Variants in EPHB3 observed in about 807,000 individuals in gnomAD.
The protein encoded by EPHB3 is EPH receptor B3, also known as ephrin type-B receptor 3.
Under a neutral mutation model 100.2 loss-of-function variants are expected in EPHB3, and 33 were observed. The observed-to-expected ratio is 0.33, with a 90% confidence interval of 0.25 to 0.44. The LOEUF is 0.44. EPHB3 is among the 20% of genes least tolerant of loss of function. The probability of loss-of-function intolerance (pLI) is 1.00; values close to 1 mark genes in which losing one functional copy is unlikely to be tolerated. For synonymous variants in EPHB3, 526 were observed against 554.7 expected (o/e 0.95, Z 0.73); for missense variants, 1,045 against 1,378.3 (o/e 0.76, Z 3.83).
Position 184,570,079 on chromosome 3 carries a change from A to G in EPHB3, c.119-1239A>G, listed in dbSNP as rs536152332. Among the ~76,000 whole-genome samples the G allele has an allele frequency of 2.0e-5, 3 of 152,328 alleles. No homozygotes were observed. The East Asian group carries it at 5.8e-4, about 29-fold the overall frequency. ...TCAGAAACATTAACGGGCCCCTCCTATGACCAAACAAGGTGAAACAGACAA... is the reference window on the plus strand; with the variant it reads ...TCAGAAACATTAACGGGCCCCTCCTGTGACCAAACAAGGTGAAACAGACAA... On this transcript the variant is annotated intron_variant, in intron 1 of 15. Coordinates refer to ENST00000330394, the MANE Select transcript of EPHB3 (RefSeq NM_004443.4).
At position 184,571,345 on chromosome 3, in the gene EPHB3, C is replaced by T; in HGVS notation, c.146C>T (p.Thr49Ile). The change falls in exon 2 of 16, where the codon ACA (threonine) becomes ATA (isoleucine). Residue 49 changes from threonine (T) to isoleucine (I), a missense_variant. By Grantham distance (89) the Thr-to-Ile change is moderately conservative (BLOSUM62 -1). Around this residue, in one of 2 missense-constraint regions of EPHB3, gnomAD observed 985 missense variants for 1,331.1 expected, o/e 0.74. Coordinates refer to ENST00000330394, the MANE Select transcript of EPHB3 (RefSeq NM_004443.4). This position sits in a 1 kb window ranked among gnomAD's most constrained non-coding sequence, Gnocchi z 5.0. ...EETLMDTKWV[T>I]SELAWTSHPE... The stretch of plus-strand genomic sequence containing the variant: ...ACCCTCATGGACACAAAATGGGTAA[C>T]ATCTGAGTTGGCGTGGACATCTCAT... 1 of 1,614,094 alleles carries T rather than the reference C, an allele frequency of 6.2e-7. No homozygotes were observed. The highest frequency in any genetic ancestry group is 1.1e-5 in the South Asian group (1 of 91,076).
Position 184,571,464 on chromosome 3 carries a change from A to C in EPHB3, c.183+82A>C. 2.3e-5 allele frequency: 34 copies of C among 1,481,148 alleles called. No individual in the cohort carries two copies. The highest frequency in any genetic ancestry group is 3.1e-5 in the Non-Finnish European group (33 of 1,067,376). The allele number at this position is 1,481,148 out of a possible 1,614,324, so 91.8% of individuals were successfully genotyped here. On this transcript the variant is annotated intron_variant, in intron 2 of 15. Coordinates refer to ENST00000330394, the MANE Select transcript of EPHB3 (RefSeq NM_004443.4). The surrounding 1 kb of genome is among the most constrained non-coding windows in gnomAD (Gnocchi z 5.0). Reference sequence around the variant, plus strand: ...TCCAGCCTCCGTGCCCCCTCATCTCACCAGGGCCTGGAGGAGGGCTGCCTC... The same window carrying C: ...TCCAGCCTCCGTGCCCCCTCATCTCCCCAGGGCCTGGAGGAGGGCTGCCTC...
Position 184,568,592 on chromosome 3 carries a change from ACC to A in EPHB3, c.119-2717_119-2716del, listed in dbSNP as rs113185340. ...ATACCACGGACAGATGGGTTCTATG[ACC>A]CCCCCCCCACATCCCCCTCACCTCC... On this transcript the variant is annotated intron_variant, in intron 1 of 15. Coordinates refer to ENST00000330394, the MANE Select transcript of EPHB3 (RefSeq NM_004443.4). Among the ~76,000 whole-genome samples the A allele has an allele frequency of 3.8e-5, 5 of 131,098 alleles. No homozygotes were observed. The East Asian group carries it at 9.1e-4, about 24-fold the overall frequency. The allele number at this position is 131,098 out of a possible 152,430, so 86.0% of individuals were successfully genotyped here.
rs1474481303 is a variant in EPHB3, at chr3:184,582,267, TGTGTGTGTGTGCGC to T, written c.*647_*660del. On this transcript the variant is annotated 3_prime_UTR_variant, in exon 16 of 16. Coordinates refer to ENST00000330394, the MANE Select transcript of EPHB3 (RefSeq NM_004443.4). ...TGGGATGTGTGAGTGTGTGTGTGTG[TGTGTGTGTGTGCGC>T]GCGCGCGCGCGTGTGTGTGTGCACG... is the stretch of plus-strand genomic sequence containing the variant. 2.1e-4 allele frequency: 27 copies of T among 130,758 alleles called. No individual in the cohort carries two copies. Among genetic ancestry groups the T allele is most frequent in the African/African-American group, 5.1e-4 (15 of 29,336 alleles). The allele number at this position is 130,758 out of a possible 1,614,324, so 8.1% of individuals were successfully genotyped here.
At chr3:184,570,490 A>G (rs1714511185) in intron 1 of EPHB3, among the ~76,000 whole-genome samples, 1 of 152,202 alleles carries the variant, frequency 6.6e-6, no homozygotes, top group Non-Finnish European at 1.5e-5. Flanking sequence ...TTGAACTAAG[A>G]GCTGGTTTGG....
Position 184,581,645 on chromosome 3 carries a change from G to T in EPHB3, c.*23G>T. On this transcript the variant is annotated 3_prime_UTR_variant, in exon 16 of 16. Transcript: ENST00000330394. The stretch of plus-strand genomic sequence containing the variant: ...TGACACCGGCTCCCACGGGGACCCT[G>T]AGGACCGTGCAGGGATGCCAAGCAG... The T allele has an allele frequency of 3.2e-6, 5 of 1,584,298 alleles. No individual in the cohort carries two copies. Among genetic ancestry groups the T allele is most frequent in the African/African-American group, 2.7e-5 (2 of 74,096 alleles).
chr3:184,577,446 C>T lies in EPHB3; in HGVS notation c.1458C>T (p.Tyr486=), dbSNP rs762625784. 17 of 1,614,026 alleles carry T rather than the reference C, an allele frequency of 1.1e-5. No homozygotes were observed. Among genetic ancestry groups the T allele is most frequent in the South Asian group, 7.7e-5 (7 of 91,082 alleles). Reference sequence around the variant, plus strand: ...GGCCCAACGGAGTCATCCTGGACTACGAGATGAAGTACTTTGAGAAGGTCA... The same window carrying T: ...GGCCCAACGGAGTCATCCTGGACTATGAGATGAAGTACTTTGAGAAGGTCA... ...PERPNGVILD[Y]EMKYFEKSEG... is the part of the protein sequence containing the mutation. Residue 486 remains tyrosine, a synonymous_variant, in exon 6 of 16, where the codon TAC becomes TAT. Transcript: ENST00000330394. The surrounding 1 kb of genome is among the most constrained non-coding windows in gnomAD (Gnocchi z 4.9).
At position 184,577,362 on chromosome 3, in the gene EPHB3, A is replaced by G. The variant is rs759542823; in HGVS notation, c.1374A>G (p.Thr458=). The G allele has an allele frequency of 6.2e-7, 1 of 1,613,706 alleles. No individual in the cohort carries two copies. The highest frequency in any genetic ancestry group is 8.5e-7 in the Non-Finnish European group (1 of 1,179,994). ...TCCCAGCCCCGTCTGAAGTGCCCAC[A>G]CTACGCCTGCACAGCAGCTCAGGCA... ...TNQAAPSEVP[T]LRLHSSSGSS... is the part of the protein sequence containing the mutation. The change falls in exon 6 of 16, where the codon ACA becomes ACG. Residue 458 remains threonine, a synonymous_variant. Transcript: ENST00000330394. This position sits in a 1 kb window ranked among gnomAD's most constrained non-coding sequence, Gnocchi z 4.9.
rs1714582880 is a variant in EPHB3 at position 184,573,122 on chromosome 3, G to T, written c.802G>T (p.Ala268Ser). Reference sequence around the variant, plus strand: ...TGGGGAGTGGATGGTGCCTGTGGGTGCCTGCACCTGTGCCACCGGCCATGA... The same window carrying T: ...TGGGGAGTGGATGGTGCCTGTGGGTTCCTGCACCTGTGCCACCGGCCATGA... ...GDGEWMVPVG[A>S]CTCATGHEPA... Residue 268 changes from alanine (A) to serine (S), a missense_variant, in exon 3 of 16, where the codon GCC becomes TCC. Coordinates refer to ENST00000330394, the MANE Select transcript of EPHB3 (RefSeq NM_004443.4). The surrounding 1 kb of genome is among the most constrained non-coding windows in gnomAD (Gnocchi z 4.5). 6.2e-7 allele frequency: 1 copy of T among 1,612,670 alleles called. No homozygotes were observed. The highest frequency in any genetic ancestry group is 1.1e-5 in the South Asian group (1 of 91,090).
Position 184,579,887 on chromosome 3 carries a change from A to G in EPHB3, c.2125A>G (p.Ile709Val), listed in dbSNP as rs766565475. Reference sequence around the variant, plus strand: ...GGTCACCAAAAGTCGGCCAGTTATGATCCTCACTGAGTTCATGGAAAACTG... The same window carrying G: ...GGTCACCAAAAGTCGGCCAGTTATGGTCCTCACTGAGTTCATGGAAAACTG... The part of the protein sequence containing the change: ...GVVTKSRPVM[I>V]LTEFMENCAL... Residue 709 changes from isoleucine to valine, a missense_variant, in exon 11 of 16, where the codon ATC becomes GTC. By Grantham distance (29) the Ile-to-Val change is conservative (BLOSUM62 3). Coordinates refer to ENST00000330394, the MANE Select transcript of EPHB3 (RefSeq NM_004443.4). This position sits in a 1 kb window ranked among gnomAD's most constrained non-coding sequence, Gnocchi z 5.2. The G allele has an allele frequency of 1.2e-6, 2 of 1,613,780 alleles. No homozygotes were observed. The highest frequency in any genetic ancestry group is 3.3e-5 in the Admixed American group (2 of 59,982).
intron 3 of EPHB3, chr3:184,575,072 G>A (rs1239997811): frequency 5.5e-6 from 5 of 908,224 alleles, no homozygotes; most frequent in African/African-American, 1.8e-5. Flanking sequence ...ACTTGCAAAT[G>A]TTCCAGTGTG....
At chr3:184,568,592 A>ACCCCCCCCCCCCCCCCC (rs113185340) in intron 1 of EPHB3, among the ~76,000 whole-genome samples, 4 of 131,100 alleles carry the variant, frequency 3.1e-5, no homozygotes, top group African/African-American at 5.8e-5. Flanking sequence ...GGGTTCTATG[A>ACCCCCCCCCCCCCCCCC]CCCCCCCCCC....
rs1470352404 is a variant in EPHB3, at chr3:184,569,202, CGGACCGGCGGGA to C, written c.119-2111_119-2100del. ...CTGCTCCGGCGGGCGGACCGGCGGG[CGGACCGGCGGGA>C]GGACTGGCTGCGGGGGCAGGGCGCG... On this transcript the variant is annotated intron_variant, in intron 1 of 15. Transcript: ENST00000330394. This position sits in a 1 kb window ranked among gnomAD's most constrained non-coding sequence, Gnocchi z 5.4. Among the ~76,000 whole-genome samples the C allele has an allele frequency of 6.6e-6, 1 of 151,104 alleles. No homozygotes were observed. Among genetic ancestry groups the C allele is most frequent in the Non-Finnish European group, 1.5e-5 (1 of 67,846 alleles).
rs775157731 is a variant in EPHB3, at chr3:184,577,063, A to T, written c.1234A>T (p.Ile412Phe). Residue 412 changes from isoleucine to phenylalanine, a missense_variant, in exon 5 of 16, where the codon ATC (isoleucine) becomes TTC (phenylalanine). Physicochemically the swap from Ile to Phe is conservative, Grantham distance 21 (BLOSUM62 0). Coordinates refer to ENST00000330394, the MANE Select transcript of EPHB3 (RefSeq NM_004443.4). The surrounding 1 kb of genome is among the most constrained non-coding windows in gnomAD (Gnocchi z 4.9). ...QLGLTERRVH[I>F]SHLLAHTRYT... ...GGGCCTGACGGAGCGCCGGGTCCACATCAGCCATCTGCTGGCCCACACGCG... is the reference window on the plus strand; with the variant it reads ...GGGCCTGACGGAGCGCCGGGTCCACTTCAGCCATCTGCTGGCCCACACGCG... 1 of 1,613,768 alleles carries T rather than the reference A, an allele frequency of 6.2e-7. No homozygotes were observed. The highest frequency in any genetic ancestry group is 2.2e-5 in the East Asian group (1 of 44,878).
chr3:184,573,047 C>G lies in EPHB3; in HGVS notation c.727C>G (p.Pro243Ala). 1 of 1,613,256 alleles carries G rather than the reference C, an allele frequency of 6.2e-7. No individual in the cohort carries two copies. The highest frequency in any genetic ancestry group is 8.5e-7 in the Non-Finnish European group (1 of 1,180,014). ...GGTCATTGCTCCTGGCACCTGCATC[C>G]CTAACGCCGTGGAGGTGTCGGTGCC... ...SLVIAPGTCI[P>A]NAVEVSVPLK... Residue 243 changes from proline to alanine, a missense_variant, in exon 3 of 16, where the codon CCT (proline) becomes GCT (alanine). Physicochemically the swap from Pro to Ala is conservative, Grantham distance 27. This residue lies in a region of EPHB3 where 985 missense variants were observed against 1,331.1 expected (regional missense o/e 0.74). Coordinates refer to ENST00000330394, the MANE Select transcript of EPHB3 (RefSeq NM_004443.4). The surrounding 1 kb of genome is among the most constrained non-coding windows in gnomAD (Gnocchi z 4.5).
chr3:184,567,819 G>A (rs748705874), intron 1 of EPHB3, among the ~76,000 whole-genome samples: 26 of 152,166 alleles, frequency 1.7e-4, no homozygotes, highest in African/African-American at 3.9e-4. Flanking sequence ...CTCTGTGTGC[G>A]CATATGTTTC....
rs1284359662 is a variant in EPHB3 at position 184,562,265 on chromosome 3, G to A, written c.30G>A (p.Pro10=). 4 of 1,166,146 alleles carry A rather than the reference G, an allele frequency of 3.4e-6. No homozygotes were observed. The highest frequency in any genetic ancestry group is 1.6e-5 in the African/African-American group (1 of 61,648). The allele number at this position is 1,166,146 out of a possible 1,614,324, so 72.2% of individuals were successfully genotyped here. MARARPPPP[P]SPPPGLLPLL... is the part of the protein sequence containing the mutation. ...CCAGAGCCCGCCCGCCGCCGCCGCC[G>A]TCGCCGCCGCCGGGGCTTCTGCCGC... The change falls in exon 1 of 16, where the codon CCG becomes CCA. Residue 10 remains proline (P), a synonymous_variant. Transcript: ENST00000330394. This position sits in a 1 kb window ranked among gnomAD's most constrained non-coding sequence, Gnocchi z 4.8.
chr3:184,577,620 A>G lies in EPHB3; in HGVS notation c.1480-38A>G, dbSNP rs1317784887. The G allele has an allele frequency of 1.9e-6, 3 of 1,572,470 alleles. No individual in the cohort carries two copies. The highest frequency in any genetic ancestry group is 2.6e-6 in the Non-Finnish European group (3 of 1,155,398). ...TGAATAGGGGCTGGTTGGCCTCAGG[A>G]CCCACCTGAGGGTGCCCCCTCTCTC... On this transcript the variant is annotated intron_variant, in intron 6 of 15. Transcript: ENST00000330394. The surrounding 1 kb of genome is among the most constrained non-coding windows in gnomAD (Gnocchi z 4.9).
Position 184,569,588 on chromosome 3 carries a change from A to C in EPHB3, c.119-1730A>C, listed in dbSNP as rs1287734618. On this transcript the variant is annotated intron_variant, in intron 1 of 15. Transcript: ENST00000330394. The surrounding 1 kb of genome is among the most constrained non-coding windows in gnomAD (Gnocchi z 5.4). ...GTCTGTCTGTCTGCCAGAGGCCAGG[A>C]TCGCTCCCCTTACAGCCGGGCCCTC... Among the ~76,000 whole-genome samples the C allele has an allele frequency of 6.6e-6, 1 of 151,988 alleles. No individual in the cohort carries two copies. The highest frequency in any genetic ancestry group is 1.9e-4 in the East Asian group (1 of 5,166).
Sources: allele counts gnomAD v4.1 joint callset (sites outside exome capture counted in the v4.1 genomes callset), GRCh38; gene constraint gnomAD v4.1.1; regional missense constraint gnomAD v4.1.1; non-coding constraint Gnocchi (gnomAD v3.1); transcripts MANE v1.5; gene names NCBI Gene and HGNC (gene_info 2026-07-23, HGNC 2026-07-21).